GUCY1A2: variants seen among roughly 807,000 people sequenced by gnomAD.
GUCY1A2 encodes the protein guanylate cyclase soluble subunit alpha-2.
GUCY1A2 carries 27 observed loss-of-function variants against 63.5 expected under a neutral mutation model. The ratio of observed to expected loss-of-function variants is 0.43; its 90% confidence interval spans 0.31 to 0.59. The LOEUF (loss-of-function observed/expected upper bound fraction) is 0.59. Among genes scored for constraint, GUCY1A2 ranks in the 20% least tolerant of loss-of-function variants. The pLI is 0.11. For synonymous variants in GUCY1A2, 364 were observed against 343.5 expected, an observed-to-expected ratio of 1.06 and a Z score of -0.66; for missense variants, 768 against 913.3, an observed-to-expected ratio of 0.84 and a Z score of 2.05.
chr11:106,865,085 G>A lies in GUCY1A2; in HGVS notation c.1207-54607C>T, dbSNP rs148593807. 1.2e-3 allele frequency among the ~76,000 whole-genome samples: 187 copies of A among 152,164 alleles called. 1 individual carries two copies. The highest frequency in any genetic ancestry group is 4.2e-3 in the African/African-American group (175 of 41,534). The stretch of plus-strand genomic sequence containing the variant: ...GCCTCAATTTCGGAACTTGTTATTG[G>A]TCTATTTAGGGATTTGACTTCTTCT... On this transcript the variant is annotated intron_variant, in intron 4 of 7. Transcript: ENST00000526355.
chr11:106,951,117 A>G (rs1049984504), intron 3 of GUCY1A2, among the ~76,000 whole-genome samples: 6 of 152,180 alleles, frequency 3.9e-5, no homozygotes, highest in African/African-American at 1.4e-4. Context: ...TATATGTACC[A>G]CATTTTCTTT....
intron 4 of GUCY1A2, among the ~76,000 whole-genome samples, chr11:106,870,429 T>A (rs1278892212): frequency 6.6e-6 from 1 of 152,240 alleles, no homozygotes; most frequent in Middle Eastern, 3.4e-3. Context: ...GAATTATATG[T>A]ACAAGAATTC....
chr11:106,750,013 G>A (rs1056888671), intron 6 of GUCY1A2, among the ~76,000 whole-genome samples: 1 of 152,026 alleles, frequency 6.6e-6, no homozygotes, highest in Admixed American at 6.6e-5. Context: ...CCCATGATAG[G>A]CTATCTGCAA....
intron 3 of GUCY1A2, among the ~76,000 whole-genome samples, chr11:106,959,761 C>T (rs2120058613): frequency 6.6e-6 from 1 of 152,366 alleles, no homozygotes; most frequent in Middle Eastern, 3.4e-3. Context: ...CAATTTTTCC[C>T]TCTGCCCCAT....
At chr11:106,849,077 T>C (rs1441408602) in intron 4 of GUCY1A2, among the ~76,000 whole-genome samples, 1 of 151,486 alleles carries the variant, frequency 6.6e-6, no homozygotes, top group Admixed American at 6.6e-5. Flanking sequence ...AAACTATTTA[T>C]CCAACAAGGG....
intron 4 of GUCY1A2, among the ~76,000 whole-genome samples, chr11:106,907,157 A>T (rs1860221322): frequency 6.6e-6 from 1 of 152,094 alleles, no homozygotes; most frequent in African/African-American, 2.4e-5. Context: ...GAGCCTCCTG[A>T]ACCAAAGAAC....
chr11:107,007,148 C>G (rs558038384), intron 1 of GUCY1A2, among the ~76,000 whole-genome samples: 2 of 152,070 alleles, frequency 1.3e-5, no homozygotes, highest in Non-Finnish European at 2.9e-5. Flanking sequence ...AATGATGTAG[C>G]TAAATATCCT....
At chr11:106,953,209 T>G (rs191198601) in intron 3 of GUCY1A2, among the ~76,000 whole-genome samples, 6 of 152,322 alleles carry the variant, frequency 3.9e-5, no homozygotes, top group Admixed American at 3.9e-4. Flanking sequence ...CATCAATACC[T>G]AGTTTATTGA....
chr11:106,908,408 G>A (rs1860243162), intron 4 of GUCY1A2, among the ~76,000 whole-genome samples: 1 of 151,748 alleles, frequency 6.6e-6, no homozygotes, highest in East Asian at 1.9e-4. Context: ...AGATATATAG[G>A]CACAATAATA....
chr11:106,714,079 G>A (rs184023252), intron 6 of GUCY1A2, among the ~76,000 whole-genome samples: 54 of 148,768 alleles, frequency 3.6e-4, no homozygotes, highest in African/African-American at 1.2e-3. Flanking sequence ...GGCTTATCTA[G>A]TTCTATTTCT....
chr11:106,998,993 T>C (rs1253098049), intron 1 of GUCY1A2, among the ~76,000 whole-genome samples: 1 of 152,112 alleles, frequency 6.6e-6, no homozygotes, highest in Non-Finnish European at 1.5e-5. Context: ...CACTGCTATA[T>C]AGTCATCACT....
chr11:106,999,741 T>G (rs575478583), intron 1 of GUCY1A2, among the ~76,000 whole-genome samples: 6 of 152,204 alleles, frequency 3.9e-5, no homozygotes, highest in Non-Finnish European at 8.8e-5. Flanking sequence ...ACATGTCCAA[T>G]GGAATTGTTA....
Position 106,685,856 on chromosome 11 carries a change from T to C in GUCY1A2, c.*1693A>G, listed in dbSNP as rs1862518088. On this transcript the variant is annotated 3_prime_UTR_variant, in exon 8 of 8. Transcript: ENST00000526355. Reference sequence around the variant, plus strand: ...CAGGGCAAGAAAATAACTCAAATTATAAAAGGGATCAGGATTATAACAAAT... The same window carrying C: ...CAGGGCAAGAAAATAACTCAAATTACAAAAGGGATCAGGATTATAACAAAT... The C allele has an allele frequency of 8.8e-6, 2 of 226,248 alleles. No homozygotes were observed. The highest frequency in any genetic ancestry group is 1.8e-5 in the Non-Finnish European group (2 of 113,746). The allele number at this position is 226,248 out of a possible 1,614,324, so 14.0% of individuals were successfully genotyped here.
At chr11:106,775,944 T>A in intron 6 of GUCY1A2, among the ~76,000 whole-genome samples, 1 of 152,278 alleles carries the variant, frequency 6.6e-6, no homozygotes, top group African/African-American at 2.4e-5. Context: ...GACTTTCCAC[T>A]GTTTTTAAAG....
intron 7 of GUCY1A2, among the ~76,000 whole-genome samples, chr11:106,700,499 A>G (rs1200299976): frequency 6.6e-6 from 1 of 152,220 alleles, no homozygotes; most frequent in Non-Finnish European, 1.5e-5. Flanking sequence ...TGTGCTAGAT[A>G]TGACTTTTAT....
intron 4 of GUCY1A2, among the ~76,000 whole-genome samples, chr11:106,822,959 T>C (rs187964457): frequency 3.6e-4 from 55 of 152,342 alleles, no homozygotes; most frequent in African/African-American, 1.3e-3. Context: ...ATTGTTACTT[T>C]TTTTAAAAAA....
chr11:106,725,637 A>C (rs935010644), intron 6 of GUCY1A2, among the ~76,000 whole-genome samples: 2 of 152,142 alleles, frequency 1.3e-5, no homozygotes, highest in Non-Finnish European at 2.9e-5. Flanking sequence ...CATGTATAGT[A>C]TATGGTAATA....
chr11:106,719,256 C>T (rs1199122644), intron 6 of GUCY1A2, among the ~76,000 whole-genome samples: 1 of 151,988 alleles, frequency 6.6e-6, no homozygotes, highest in African/African-American at 2.4e-5. Flanking sequence ...AAATCATTTT[C>T]TGTCAAAATG....
intron 4 of GUCY1A2, among the ~76,000 whole-genome samples, chr11:106,935,874 TAAAAA>T (rs540262693): frequency 6.7e-6 from 1 of 148,390 alleles, no homozygotes; most frequent in African/African-American, 2.5e-5. Context: ...AAAAAAAAAT[TAAAAA>T]AAAAATCATG....
Sources: gnomAD v4.1 joint callset for allele counts (sites outside exome capture counted in the v4.1 genomes callset) on GRCh38, gnomAD v4.1.1 for gene constraint, MANE v1.5 for transcripts, NCBI Gene and HGNC (gene_info 2026-07-23, HGNC 2026-07-21) for gene names.